The following CDCA2 variants were observed in gnomAD, a reference collection of about 807,000 sequenced individuals.
CDCA2 encodes cell division cycle associated 2.
A neutral mutation model predicts 67.0 loss-of-function variants in CDCA2; 44 were observed. That is an observed-to-expected ratio of 0.66 (90% confidence interval 0.52 to 0.84). The LOEUF is 0.84. CDCA2 is among the 40% of genes least tolerant of loss of function. The pLI is 0.00. For synonymous variants in CDCA2, 447 were observed against 418.7 expected (o/e 1.07, Z -0.82); for missense variants, 1,253 against 1,203.2 (o/e 1.04, Z -0.61).
At chr8:25,492,675 T>C (rs764416292) in intron 13 of CDCA2, among the ~76,000 whole-genome samples, 35 of 152,194 alleles carry the variant, frequency 2.3e-4, no homozygotes, top group Non-Finnish European at 3.1e-4. Flanking sequence ...GAAAAGAGTA[T>C]GAAAGCTGTA....
intron 3 of CDCA2, 50 bp downstream of exon 3, chr8:25,460,604 C>T (rs1802644471): frequency 1.3e-6 from 2 of 1,549,170 alleles, no homozygotes; most frequent in African/African-American, 1.4e-5. Context: ...TTAAAAATAA[C>T]TTTAATATAA....
At chr8:25,489,047 T>G (rs1803899464) in intron 13 of CDCA2, among the ~76,000 whole-genome samples, 1 of 152,154 alleles carries the variant, frequency 6.6e-6, no homozygotes, top group Non-Finnish European at 1.5e-5. Context: ...CTTCTTAGAT[T>G]CTCTTCTTCC....
At chr8:25,489,229 A>G (rs1803906513) in intron 13 of CDCA2, among the ~76,000 whole-genome samples, 1 of 151,612 alleles carries the variant, frequency 6.6e-6, no homozygotes, top group Non-Finnish European at 1.5e-5. Flanking sequence ...TGGACTCCAC[A>G]CTCCAAAGCC....
In CDCA2 at chr8:25,507,761, T is replaced by TA; in HGVS notation, c.*23_*24insA. On this transcript the variant is annotated 3_prime_UTR_variant, in exon 15 of 15. Coordinates refer to ENST00000330560, the MANE Select transcript of CDCA2 (RefSeq NM_152562.4). ...TAATTGACATTTCCTGCAGAGTCTGTGGCAAGAGGGAAAGTAACCATCTAT... is the reference window on the plus strand; with the variant it reads ...TAATTGACATTTCCTGCAGAGTCTGTAGGCAAGAGGGAAAGTAACCATCTAT... 1 of 1,594,042 alleles carries TA rather than the reference T, an allele frequency of 6.3e-7. No homozygotes were observed. Among genetic ancestry groups the TA allele is most frequent in the Non-Finnish European group, 8.5e-7 (1 of 1,172,120 alleles).
chr8:25,470,956 T>A (rs980834857), intron 7 of CDCA2, among the ~76,000 whole-genome samples: 1 of 152,068 alleles, frequency 6.6e-6, no homozygotes, highest in African/African-American at 2.4e-5. Flanking sequence ...GAGATGGGAT[T>A]TTGCCACATT....
chr8:25,487,398 C>T (rs1803821021), intron 12 of CDCA2, 64 bp downstream of exon 12: 2 of 1,032,798 alleles, frequency 1.9e-6, no homozygotes, highest in Non-Finnish European at 3.0e-6. Flanking sequence ...TTTCTGTTTT[C>T]ATGGCCAAAT....
chr8:25,487,610 G>C lies in CDCA2; in HGVS notation c.1533+276G>C, dbSNP rs188518908. 8.6e-3 allele frequency among the ~76,000 whole-genome samples: 1,309 copies of C among 152,248 alleles called. 8 individuals are homozygous for C. The highest frequency in any genetic ancestry group is 0.037 in the Middle Eastern group (11 of 294). Reference sequence around the variant, plus strand: ...CCAAAAAAATTAGCCGGACGTGGTGGTGGACGCCTGTAGTCCCAGCTACTA... The same window carrying C: ...CCAAAAAAATTAGCCGGACGTGGTGCTGGACGCCTGTAGTCCCAGCTACTA... On this transcript the variant is annotated intron_variant, in intron 12 of 14. Transcript: ENST00000330560.
upstream of CDCA2, chr8:25,458,962 G>C (rs1802549822): frequency 6.6e-6 from 1 of 152,418 alleles, no homozygotes; most frequent in Non-Finnish European, 1.5e-5. Flanking sequence ...AAAGCGCTAA[G>C]AGAAGCGTTA....
At chr8:25,502,458 A>G (rs902345712) in intron 13 of CDCA2, among the ~76,000 whole-genome samples, 1 of 151,932 alleles carries the variant, frequency 6.6e-6, no homozygotes, top group African/African-American at 2.4e-5. Context: ...ATGGAAACCT[A>G]CATTTTCAGT....
At position 25,488,651 on chromosome 8, in the gene CDCA2, A is replaced by G. The variant is rs1803877242; in HGVS notation, c.1633A>G (p.Thr545Ala). ...KKINRRKSQE[T>A]KCTKRALPKK... ...AATTAATAGGAGGAAGTCTCAAGAA[A>G]CAAAGTGTACAAAGAGAGCACTTCC... Residue 545 changes from threonine (T) to alanine (A), a missense_variant, in exon 13 of 15, where the codon ACA (threonine) becomes GCA (alanine). Physicochemically the swap from Thr to Ala is moderately conservative, Grantham distance 58. Coordinates refer to ENST00000330560, the MANE Select transcript of CDCA2 (RefSeq NM_152562.4). The G allele has an allele frequency of 1.2e-6, 2 of 1,612,480 alleles. No individual in the cohort carries two copies. Among genetic ancestry groups the G allele is most frequent in the Admixed American group, 1.7e-5 (1 of 59,800 alleles).
intron 7 of CDCA2, among the ~76,000 whole-genome samples, chr8:25,475,607 T>C (rs1803318300): frequency 1.3e-5 from 2 of 152,182 alleles, no homozygotes; most frequent in African/African-American, 4.8e-5. Flanking sequence ...AGATATTTCC[T>C]CTGTGGGCAA....
intron 14 of CDCA2, 134 bp downstream of exon 14, chr8:25,503,678 C>CATT (rs1339615790): frequency 2.5e-6 from 2 of 788,658 alleles, no homozygotes; most frequent in East Asian, 5.3e-5. Context: ...TGTTTCCTCA[C>CATT]ATTACCATGA....
intron 13 of CDCA2, among the ~76,000 whole-genome samples, chr8:25,498,034 TAA>T (rs1804304651): frequency 6.6e-6 from 1 of 152,098 alleles, no homozygotes; most frequent in African/African-American, 2.4e-5. Flanking sequence ...AGCCATAGAA[TAA>T]AAGAGACTAA....
chr8:25,475,822 G>C (rs1181688093), intron 7 of CDCA2, among the ~76,000 whole-genome samples: 1 of 152,172 alleles, frequency 6.6e-6, no homozygotes, highest in Non-Finnish European at 1.5e-5. Flanking sequence ...TGGTGGCTGT[G>C]ATCCCCATCC....
intron 6 of CDCA2, among the ~76,000 whole-genome samples, chr8:25,469,363 G>T (rs1452710408): frequency 6.6e-6 from 1 of 152,200 alleles, no homozygotes; most frequent in Admixed American, 6.5e-5. Flanking sequence ...ATCCCCACTG[G>T]ACAGAAGCAA....
chr8:25,469,850 G>C (rs757647642), intron 6 of CDCA2, 46 bp from the exon 7 acceptor site: 2 of 1,210,986 alleles, frequency 1.7e-6, no homozygotes. Context: ...GGCATTAGTA[G>C]TACTCTAATT....
At chr8:25,473,781 G>A (rs991719323) in intron 7 of CDCA2, among the ~76,000 whole-genome samples, 2 of 151,936 alleles carry the variant, frequency 1.3e-5, no homozygotes, top group African/African-American at 4.8e-5. Flanking sequence ...CATTTCTTCC[G>A]GTTTTTATTT....
At chr8:25,461,238 G>A (rs1157267227) in intron 3 of CDCA2, among the ~76,000 whole-genome samples, 2 of 130,994 alleles carry the variant, frequency 1.5e-5, no homozygotes, top group Admixed American at 9.0e-5. Context: ...TTGCATTCCA[G>A]CCTGGGCAAC....
In CDCA2 at chr8:25,483,414, C is replaced by T. The variant is rs766314831; in HGVS notation, c.1048C>T (p.Leu350Phe). 1.4e-5 allele frequency: 22 copies of T among 1,606,648 alleles called. No individual in the cohort carries two copies. The highest frequency in any genetic ancestry group is 1.9e-5 in the Non-Finnish European group (22 of 1,176,404). The part of the protein sequence containing the change: ...LESLQEHCNN[L>F]YDDDGTHPSL... Reference sequence around the variant, plus strand: ...TTCTGTTTAGGAACACTGTAACAACCTCTATGATGATGATGGGACTCATCC... The same window carrying T: ...TTCTGTTTAGGAACACTGTAACAACTTCTATGATGATGATGGGACTCATCC... The change falls in exon 9 of 15, where the codon CTC becomes TTC. Residue 350 changes from leucine to phenylalanine, a missense_variant. Coordinates refer to ENST00000330560, the MANE Select transcript of CDCA2 (RefSeq NM_152562.4).
Sources: allele counts gnomAD v4.1 joint callset (sites outside exome capture counted in the v4.1 genomes callset), GRCh38; gene constraint gnomAD v4.1.1; transcripts MANE v1.5; gene names NCBI Gene and HGNC (gene_info 2026-07-23, HGNC 2026-07-21).